The following AGR3 variants were observed in gnomAD, a reference collection of about 807,000 sequenced individuals.
AGR3 encodes the protein anterior gradient 3, protein disulphide isomerase family member, also known as anterior gradient protein 3.
AGR3 carries 37 observed loss-of-function variants against 24.5 expected under a neutral mutation model. That is an observed-to-expected ratio of 1.51 (90% confidence interval 1.16 to 1.99). The LOEUF is 1.99. AGR3 is among the 30% of genes most tolerant of loss of function. AGR3 has a pLI of 0.00. For synonymous variants in AGR3, 75 were observed against 61.6 expected, an observed-to-expected ratio of 1.22 and a Z score of -1.02; for missense variants, 228 against 191.1, an observed-to-expected ratio of 1.19 and a Z score of -1.14.
At chr7:16,878,415 A>G in intron 2 of AGR3, 95 bp downstream of exon 2, 1 of 1,058,070 alleles carries the variant, frequency 9.5e-7, no homozygotes, top group Non-Finnish European at 1.4e-6. Flanking sequence ...AGTTAGTTGA[A>G]TTTGCTTTAT....
At chr7:16,874,290 G>C (rs908157444) in intron 2 of AGR3, among the ~76,000 whole-genome samples, 1 of 152,062 alleles carries the variant, frequency 6.6e-6, no homozygotes, top group East Asian at 1.9e-4. Flanking sequence ...GTCAGTATAC[G>C]TTGTGAAATA....
chr7:16,860,607 C>T (rs146735563), intron 6 of AGR3, 24 bp from the exon 7 acceptor site: 238 of 1,532,728 alleles, frequency 1.6e-4, no homozygotes, highest in Non-Finnish European at 1.6e-4. Flanking sequence ...AACCAAGTCA[C>T]GAAAGTATAA....
At chr7:16,859,887 A>G (rs898322271) in intron 7 of AGR3, among the ~76,000 whole-genome samples, 1 of 152,032 alleles carries the variant, frequency 6.6e-6, no homozygotes, top group Admixed American at 6.6e-5. Context: ...TTTTTAATGC[A>G]TCACTTTGTA....
intron 2 of AGR3, among the ~76,000 whole-genome samples, chr7:16,877,613 C>T (rs1782011602): frequency 6.6e-6 from 1 of 151,812 alleles, no homozygotes; most frequent in Admixed American, 6.6e-5. Context: ...CCTGTAATCC[C>T]AGCACTTTGG....
At chr7:16,862,151 T>A in intron 4 of AGR3, 91 bp from the exon 5 acceptor site, 6 of 992,782 alleles carry the variant, frequency 6.0e-6, no homozygotes, top group Non-Finnish European at 7.8e-6. Flanking sequence ...TTAGCATTTG[T>A]TTGCATATAT....
chr7:16,880,165 CCTTT>C (rs1227496373), intron 1 of AGR3, among the ~76,000 whole-genome samples: 9 of 142,484 alleles, frequency 6.3e-5, no homozygotes, highest in Non-Finnish European at 1.4e-4. Flanking sequence ...CTTTCTCTCT[CCTTT>C]CTTTCTTTTT....
chr7:16,876,016 T>A (rs1199777548), intron 2 of AGR3, among the ~76,000 whole-genome samples: 2 of 152,186 alleles, frequency 1.3e-5, no homozygotes, highest in African/African-American at 4.8e-5. Flanking sequence ...AAATTTCTAT[T>A]CTCTGCTCCT....
chr7:16,856,632 G>A (rs1781558150), downstream of AGR3, among the ~76,000 whole-genome samples: 1 of 152,132 alleles, frequency 6.6e-6, no homozygotes, highest in South Asian at 2.1e-4. Context: ...TCTTTGAAAT[G>A]CAAATGAAAA....
At chr7:16,859,165 A>G (rs1484089799), downstream of AGR3, among the ~76,000 whole-genome samples, 1 of 151,792 alleles carries the variant, frequency 6.6e-6, no homozygotes, top group African/African-American at 2.4e-5. Flanking sequence ...TGGCAGGCCA[A>G]GGTTGGAGGA....
chr7:16,869,007 C>T (rs7804082), intron 3 of AGR3, among the ~76,000 whole-genome samples: 23,244 of 152,052 alleles, frequency 0.15, 2,433 homozygotes, highest in East Asian at 0.36. Context: ...GCTATGAGAA[C>T]GTATCTTCTC....
At chr7:16,856,797 A>G (rs1343403028), downstream of AGR3, among the ~76,000 whole-genome samples, 1 of 151,496 alleles carries the variant, frequency 6.6e-6, no homozygotes, top group African/African-American at 2.4e-5. Flanking sequence ...GTAAAATTAT[A>G]CACATACACA....
chr7:16,870,658 T>C (rs1359735947), intron 3 of AGR3, among the ~76,000 whole-genome samples: 2 of 152,150 alleles, frequency 1.3e-5, no homozygotes, highest in African/African-American at 4.8e-5. Context: ...TAGACATACT[T>C]GTATGAATTG....
intron 1 of AGR3, 83 bp from the exon 2 acceptor site, chr7:16,878,728 T>G: frequency 3.0e-6 from 3 of 990,552 alleles, no homozygotes; most frequent in Non-Finnish European, 4.6e-6. Flanking sequence ...GTTGGACCAA[T>G]ACTGTGATGA....
chr7:16,856,175 A>G (rs1781553821), downstream of AGR3, among the ~76,000 whole-genome samples: 2 of 152,232 alleles, frequency 1.3e-5, no homozygotes, highest in Non-Finnish European at 2.9e-5. Context: ...TATCCAGTCT[A>G]TCTTTGGATC....
intron 3 of AGR3, chr7:16,864,570 A>C: frequency 6.9e-7 from 1 of 1,445,854 alleles, no homozygotes; most frequent in Non-Finnish European, 9.7e-7. Context: ...TATCTTGGAT[A>C]AGAGAAATCT....
At chr7:16,868,710 GA>G (rs973912982) in intron 3 of AGR3, among the ~76,000 whole-genome samples, 73 of 151,816 alleles carry the variant, frequency 4.8e-4, no homozygotes, top group South Asian at 1.0e-3. Context: ...GAGGTCATAT[GA>G]AAAAAAATCA....
chr7:16,867,613 C>T (rs1781784061), intron 3 of AGR3, among the ~76,000 whole-genome samples: 1 of 152,158 alleles, frequency 6.6e-6, no homozygotes, highest in African/African-American at 2.4e-5. Context: ...CAATTTATTT[C>T]ACTTAACTGA....
At chr7:16,868,222 C>G (rs142421466) in intron 3 of AGR3, among the ~76,000 whole-genome samples, 2,627 of 151,774 alleles carry the variant, frequency 0.017, 70 homozygotes, top group African/African-American at 0.06. Context: ...ATGGTGCGAT[C>G]TCGGCTCACC....
At chr7:16,865,374 C>T in intron 3 of AGR3, 1 of 1,131,080 alleles carries the variant, frequency 8.8e-7, no homozygotes, top group Non-Finnish European at 1.3e-6. Context: ...AGTAATTTTT[C>T]CTCCATTCTT....
Sources: allele counts gnomAD v4.1 joint callset (sites outside exome capture counted in the v4.1 genomes callset), GRCh38; gene constraint gnomAD v4.1.1; transcripts MANE v1.5; gene names NCBI Gene and HGNC (gene_info 2026-07-23, HGNC 2026-07-21).